GRIK3: variants seen among roughly 807,000 people sequenced by gnomAD.
GRIK3 encodes glutamate receptor ionotropic, kainate 3.
Under a neutral mutation model 102.5 loss-of-function variants are expected in GRIK3, and 29 were observed. That is an observed-to-expected ratio of 0.28 (90% CI 0.21 to 0.39). The LOEUF is 0.39. GRIK3 is among the 10% of genes least tolerant of loss of function. GRIK3 has a pLI of 1.00. For synonymous variants in GRIK3, 511 were observed against 504.9 expected, an observed-to-expected ratio of 1.01 and a Z score of -0.16; for missense variants, 908 against 1,252.4, an observed-to-expected ratio of 0.73 and a Z score of 4.15.
intron 1 of GRIK3, among the ~76,000 whole-genome samples, chr1:36,934,443 G>T (rs566389493): frequency 1.2e-4 from 19 of 152,242 alleles, no homozygotes; most frequent in Non-Finnish European, 2.1e-4. Flanking sequence ...CTTAAACAAA[G>T]AACTCTTCAC....
chr1:36,907,757 C>A (rs1335074977), intron 1 of GRIK3, among the ~76,000 whole-genome samples: 1 of 152,074 alleles, frequency 6.6e-6, no homozygotes, highest in Non-Finnish European at 1.5e-5. Flanking sequence ...GGCTAGGTGG[C>A]TGCAAAGGCT....
At chr1:36,856,917 C>T (rs1640659104) in intron 7 of GRIK3, among the ~76,000 whole-genome samples, 1 of 152,120 alleles carries the variant, frequency 6.6e-6, no homozygotes, top group African/African-American at 2.4e-5. Flanking sequence ...AACAGGAAGG[C>T]ACAGTGATAA....
chr1:36,806,651 C>G lies in GRIK3; in HGVS notation c.2092-325G>C, dbSNP rs1642505250. Among the ~76,000 whole-genome samples, 1 of 152,184 alleles carries G rather than the reference C, an allele frequency of 6.6e-6. No homozygotes were observed. The highest frequency in any genetic ancestry group is 2.4e-5 in the African/African-American group (1 of 41,444). On this transcript the variant is annotated intron_variant, in intron 13 of 15. Transcript: ENST00000373091. The surrounding 1 kb of genome is among the most constrained non-coding windows in gnomAD (Gnocchi z 4.0). ...TTTATTAAAAGTTAGCACGTTCAGG[C>G]TTTGTTCTAAGTGCTCTACCTGCAT... is the stretch of plus-strand genomic sequence containing the variant.
intron 1 of GRIK3, among the ~76,000 whole-genome samples, chr1:36,999,155 A>G (rs1350377272): frequency 6.6e-6 from 1 of 151,996 alleles, no homozygotes; most frequent in Non-Finnish European, 1.5e-5. Flanking sequence ...TCAAGTACAT[A>G]AAGTAGAGGG....
chr1:36,814,054 G>A (rs1642593334), intron 13 of GRIK3, among the ~76,000 whole-genome samples: 1 of 152,180 alleles, frequency 6.6e-6, no homozygotes, highest in Non-Finnish European at 1.5e-5. Flanking sequence ...ATCCCAGACA[G>A]GTGACAGCAT....
At chr1:37,028,799 C>T (rs536649053) in intron 1 of GRIK3, among the ~76,000 whole-genome samples, 4 of 152,294 alleles carry the variant, frequency 2.6e-5, no homozygotes, top group South Asian at 4.2e-4. Context: ...GGGCAAGTGA[C>T]GCCACCAAGC....
At position 37,020,881 on chromosome 1, in the gene GRIK3, C is replaced by A. The variant is rs370795082; in HGVS notation, c.115+13113G>T. On this transcript the variant is annotated intron_variant, in intron 1 of 15. Coordinates refer to ENST00000373091, the MANE Select transcript of GRIK3 (RefSeq NM_000831.4). ...CCTGGCTGCTCTCCGTGGTGCTGAA[C>A]ACAGAGGTTGGGGTGTCTCTCAATC... Among the ~76,000 whole-genome samples the A allele has an allele frequency of 5.3e-5, 8 of 152,326 alleles. No homozygotes were observed. In the South Asian group the frequency reaches 1.2e-3, roughly 24 times the overall value.
intron 1 of GRIK3, among the ~76,000 whole-genome samples, chr1:36,898,827 T>C (rs1480777591): frequency 6.6e-6 from 1 of 152,108 alleles, no homozygotes; most frequent in Non-Finnish European, 1.5e-5. Context: ...ATCAAAACAG[T>C]GTGATACTGG....
At chr1:36,876,474 G>T (rs2124258482) in intron 3 of GRIK3, among the ~76,000 whole-genome samples, 1 of 152,316 alleles carries the variant, frequency 6.6e-6, no homozygotes, top group Non-Finnish European at 1.5e-5. Flanking sequence ...GGCCAAGAGA[G>T]CTGTGGCAAT....
chr1:36,832,979 ATGAAATTTTTATT>A (rs1264721614), intron 10 of GRIK3, among the ~76,000 whole-genome samples: 1 of 152,140 alleles, frequency 6.6e-6, no homozygotes, highest in Non-Finnish European at 1.5e-5. Context: ...CTTTATCACT[ATGAAATTTTTATT>A]TGTAAGTCAC....
At chr1:37,008,072 T>C (rs1417543414) in intron 1 of GRIK3, among the ~76,000 whole-genome samples, 1 of 152,192 alleles carries the variant, frequency 6.6e-6, no homozygotes, top group Non-Finnish European at 1.5e-5. Context: ...CTCCACCTCT[T>C]CTTCTCTGAC....
rs927504809 is a variant in GRIK3 at position 36,798,548 on chromosome 1, A to T, written c.*3303T>A. 2 of 152,002 alleles carry T rather than the reference A, an allele frequency of 1.3e-5. No individual in the cohort carries two copies. Among genetic ancestry groups the T allele is most frequent in the Non-Finnish European group, 2.9e-5 (2 of 68,152 alleles). 9.4% of individuals were successfully genotyped at this position (152,002 alleles called of 1,614,324 possible). ...CCACTGGCAGGACAGACCTAAACTT[A>T]AAAAAACACAAGATCTGCCTCACTG... On this transcript the variant is annotated 3_prime_UTR_variant, in exon 16 of 16. Transcript: ENST00000373091.
intron 1 of GRIK3, among the ~76,000 whole-genome samples, chr1:36,950,962 A>C (rs142534432): frequency 6.6e-6 from 1 of 152,266 alleles, no homozygotes; most frequent in African/African-American, 2.4e-5. Flanking sequence ...CCTCTGCTGC[A>C]GACTGGGGCC....
At chr1:36,874,447 C>T (rs971836803) in intron 3 of GRIK3, among the ~76,000 whole-genome samples, 1 of 152,166 alleles carries the variant, frequency 6.6e-6, no homozygotes, top group Admixed American at 6.5e-5. Flanking sequence ...TATGTAGTCC[C>T]AGAGTGGTCT....
At chr1:36,952,931 G>T (rs1223723757) in intron 1 of GRIK3, among the ~76,000 whole-genome samples, 1 of 152,194 alleles carries the variant, frequency 6.6e-6, no homozygotes. Flanking sequence ...AACAGCACGT[G>T]CAACACTTGT....
chr1:36,826,691 AAAAAG>A, intron 10 of GRIK3, among the ~76,000 whole-genome samples: 1 of 151,926 alleles, frequency 6.6e-6, no homozygotes, highest in African/African-American at 2.4e-5. Flanking sequence ...AAAAAAAAAA[AAAAAG>A]AAAAGAAACA....
intron 1 of GRIK3, among the ~76,000 whole-genome samples, chr1:36,969,207 G>A (rs1251460367): frequency 6.6e-6 from 1 of 152,226 alleles, no homozygotes; most frequent in African/African-American, 2.4e-5. Context: ...GCAGGAGCCA[G>A]TCAAGACAGC....
intron 1 of GRIK3, among the ~76,000 whole-genome samples, chr1:36,984,072 G>A (rs775577496): frequency 7.3e-5 from 11 of 151,642 alleles, no homozygotes; most frequent in Non-Finnish European, 1.3e-4. Context: ...TTCCACACTC[G>A]CACACACAGG....
At chr1:36,869,889 C>A in intron 4 of GRIK3, 88 bp from the exon 5 acceptor site, 1 of 950,158 alleles carries the variant, frequency 1.1e-6, no homozygotes, top group Non-Finnish European at 1.7e-6. Flanking sequence ...ATGGGACTGG[C>A]AGTGGGTTGG....
Sources: gnomAD v4.1 joint callset for allele counts (sites outside exome capture counted in the v4.1 genomes callset) on GRCh38, gnomAD v4.1.1 for gene constraint, Gnocchi (gnomAD v3.1) non-coding constraint, MANE v1.5 for transcripts, NCBI Gene and HGNC (gene_info 2026-07-23, HGNC 2026-07-21) for gene names.